SOX5: variants seen among roughly 807,000 people sequenced by gnomAD.
SOX5 encodes the protein transcription factor SOX-5.
A neutral mutation model predicts 92.0 loss-of-function variants in SOX5; 9 were observed. The ratio of observed to expected loss-of-function variants is 0.10; its 90% CI spans 0.06 to 0.17. The LOEUF (loss-of-function observed/expected upper bound fraction) is 0.17. SOX5 is among the 10% of genes least tolerant of loss of function. SOX5 has a pLI of 1.00. For missense variants in SOX5, 642 were observed against 944.5 expected, an observed-to-expected ratio of 0.68 and a Z score of 4.20; for synonymous variants, 344 against 336.3, an observed-to-expected ratio of 1.02 and a Z score of -0.25.
At chr12:23,788,818 C>T (rs894999425) in intron 3 of SOX5, among the ~76,000 whole-genome samples, 1 of 151,822 alleles carries the variant, frequency 6.6e-6, no homozygotes, top group South Asian at 2.1e-4. Flanking sequence ...AAGCACATAC[C>T]ATGTGCCACA....
intron 4 of SOX5, among the ~76,000 whole-genome samples, chr12:23,979,996 A>G (rs1383917412): frequency 6.7e-6 from 1 of 149,740 alleles, no homozygotes; most frequent in Non-Finnish European, 1.5e-5. Flanking sequence ...TAGATAGTAG[A>G]GACAGAATCT....
At chr12:24,260,346 T>C (rs1461778034) in intron 3 of SOX5, among the ~76,000 whole-genome samples, 1 of 152,174 alleles carries the variant, frequency 6.6e-6, no homozygotes, top group Non-Finnish European at 1.5e-5. Context: ...GGTAAATTAC[T>C]TGACCTTCCT....
chr12:23,853,250 T>C (rs1275466484), intron 2 of SOX5, among the ~76,000 whole-genome samples: 1 of 151,324 alleles, frequency 6.6e-6, no homozygotes, highest in Non-Finnish European at 1.5e-5. Context: ...GATTAGGAAA[T>C]CTCAGATTTC....
chr12:24,310,178 T>C (rs1565879382), intron 2 of SOX5, among the ~76,000 whole-genome samples: 1 of 152,202 alleles, frequency 6.6e-6, no homozygotes, highest in South Asian at 2.1e-4. Flanking sequence ...GCCTACCTTT[T>C]GGCCTAAAAG....
chr12:24,144,178 T>C (rs1379871360), intron 4 of SOX5, among the ~76,000 whole-genome samples: 1 of 151,718 alleles, frequency 6.6e-6, no homozygotes, highest in South Asian at 2.1e-4. Context: ...TGGAGCAAAA[T>C]CTTGAAAGTT....
chr12:24,551,427 G>C (rs377680744), intron 1 of SOX5, among the ~76,000 whole-genome samples: 1 of 152,088 alleles, frequency 6.6e-6, no homozygotes, highest in African/African-American at 2.4e-5. Context: ...TTATTTTCAC[G>C]ATCACCAGTC....
chr12:24,290,260 TAGTC>T (rs1269678467), intron 2 of SOX5, among the ~76,000 whole-genome samples: 13 of 152,218 alleles, frequency 8.5e-5, no homozygotes, highest in African/African-American at 2.7e-4. Context: ...TTTGATATCT[TAGTC>T]AGTAAACAGA....
intron 1 of SOX5, among the ~76,000 whole-genome samples, chr12:23,946,627 T>C (rs1175534648): frequency 6.6e-6 from 1 of 152,022 alleles, no homozygotes; most frequent in African/African-American, 2.4e-5. Flanking sequence ...ATTTATTGAC[T>C]TCTTTTAAAA....
At chr12:23,995,897 G>A (rs568359937) in intron 4 of SOX5, among the ~76,000 whole-genome samples, 2 of 152,284 alleles carry the variant, frequency 1.3e-5, no homozygotes, top group East Asian at 3.9e-4. Context: ...AAAGACCAAT[G>A]TGAACTTTTC....
At chr12:23,686,114 A>G (rs1481623735) in intron 6 of SOX5, among the ~76,000 whole-genome samples, 1 of 152,200 alleles carries the variant, frequency 6.6e-6, no homozygotes, top group Non-Finnish European at 1.5e-5. Flanking sequence ...CTATAATTAG[A>G]GAGCAAACAT....
intron 3 of SOX5, among the ~76,000 whole-genome samples, chr12:24,259,593 G>T (rs1196887982): frequency 6.6e-6 from 1 of 152,158 alleles, no homozygotes; most frequent in Non-Finnish European, 1.5e-5. Context: ...CAATGAAATA[G>T]ATTAAATGAA....
At chr12:23,845,292 A>T (rs1161146082) in intron 3 of SOX5, among the ~76,000 whole-genome samples, 3 of 152,216 alleles carry the variant, frequency 2.0e-5, no homozygotes, top group Non-Finnish European at 2.9e-5. Context: ...AGGAGTTAGT[A>T]AGCATGTGTA....
chr12:23,824,062 T>C (rs1027155250), intron 3 of SOX5, among the ~76,000 whole-genome samples: 3 of 152,346 alleles, frequency 2.0e-5, no homozygotes, highest in Non-Finnish European at 4.4e-5. Context: ...GGTTAGAACA[T>C]GCTCCTTTAG....
chr12:23,868,001 TTTCC>T (rs1595194403), intron 2 of SOX5, among the ~76,000 whole-genome samples: 1 of 151,888 alleles, frequency 6.6e-6, no homozygotes, highest in African/African-American at 2.4e-5. Flanking sequence ...TACCTTTTAA[TTTCC>T]TTCATTTCTT....
rs1327899391 is a variant in SOX5 at position 24,211,445 on chromosome 12, A to T, written c.-2+1898T>A. 2.0e-5 allele frequency among the ~76,000 whole-genome samples: 3 copies of T among 152,224 alleles called. 1 individual carries two copies. Among genetic ancestry groups the T allele is most frequent in the Non-Finnish European group, 4.4e-5 (3 of 68,038 alleles). ...GAATGGATAATCATCTTTTTATTTC[A>T]TCTAGCTAAACAGAAAACTTCTCCA... On this transcript the variant is annotated intron_variant, in intron 4 of 4. Coordinates refer to the SOX5 transcript ENST00000446891.
At position 23,533,693 on chromosome 12, in the gene SOX5, T is replaced by C. The variant is rs1381735146; in HGVS notation, c.*526A>G. 6.6e-6 allele frequency: 1 copy of C among 151,912 alleles called. No individual in the cohort carries two copies. Among genetic ancestry groups the C allele is most frequent in the Non-Finnish European group, 1.5e-5 (1 of 68,126 alleles). The allele number at this position is 151,912 out of a possible 1,614,324, so 9.4% of individuals were successfully genotyped here. ...AGAAGTAAAGAGAAATTCATTTTTCTTTTTTTTCTGTCAGGTGCATTACAA... is the reference window on the plus strand; with the variant it reads ...AGAAGTAAAGAGAAATTCATTTTTCCTTTTTTTCTGTCAGGTGCATTACAA... On this transcript the variant is annotated 3_prime_UTR_variant, in exon 15 of 15. Transcript: ENST00000451604.
chr12:24,465,398 T>C (rs1457565680), intron 1 of SOX5, among the ~76,000 whole-genome samples: 1 of 152,270 alleles, frequency 6.6e-6, no homozygotes, highest in African/African-American at 2.4e-5. Flanking sequence ...TTGTATTATA[T>C]GCAATTTAAG....
chr12:24,344,811 G>A (rs1290578058), intron 2 of SOX5, among the ~76,000 whole-genome samples: 1 of 152,088 alleles, frequency 6.6e-6, no homozygotes, highest in Non-Finnish European at 1.5e-5. Flanking sequence ...AACTTGGGAG[G>A]ATGTTGATTT....
chr12:24,301,115 G>A (rs1375985988), intron 2 of SOX5, among the ~76,000 whole-genome samples: 1 of 152,158 alleles, frequency 6.6e-6, no homozygotes, highest in Non-Finnish European at 1.5e-5. Flanking sequence ...GAAGACCCAG[G>A]GACAAGCAGC....
Sources: gnomAD v4.1 joint callset for allele counts (sites outside exome capture counted in the v4.1 genomes callset) on GRCh38, gnomAD v4.1.1 for gene constraint, MANE v1.5 for transcripts, NCBI Gene and HGNC (gene_info 2026-07-23, HGNC 2026-07-21) for gene names.